SLCO1A2: variants seen among roughly 807,000 people sequenced by gnomAD.
SLCO1A2 encodes the protein OATP-1.
A neutral mutation model predicts 69.0 loss-of-function variants in SLCO1A2; 67 were observed. The ratio of observed to expected loss-of-function variants is 0.97; its 90% confidence interval spans 0.80 to 1.19. The LOEUF is 1.19. Among genes scored for constraint, SLCO1A2 ranks in the 50% most tolerant of loss-of-function variants. SLCO1A2 has a pLI of 0.00. For synonymous variants in SLCO1A2, 260 were observed against 265.9 expected (o/e 0.98, Z 0.22); for missense variants, 787 against 793.7 (o/e 0.99, Z 0.10).
At chr12:21,331,551 A>G (rs1259435933) in intron 2 of SLCO1A2, among the ~76,000 whole-genome samples, 1 of 152,064 alleles carries the variant, frequency 6.6e-6, no homozygotes, top group Non-Finnish European at 1.5e-5. Flanking sequence ...TGAGCACTCT[A>G]ATGCTAAGGA....
intron 4 of SLCO1A2, among the ~76,000 whole-genome samples, chr12:21,307,193 C>A (rs1949523144): frequency 6.6e-6 from 1 of 152,290 alleles, no homozygotes; most frequent in South Asian, 2.1e-4. Context: ...TCTTTTTATA[C>A]TTAGCTTTCA....
chr12:21,285,796 C>A lies in SLCO1A2; in HGVS notation c.1610+6368G>T, dbSNP rs1406853796. Among the ~76,000 whole-genome samples the A allele has an allele frequency of 2.0e-5, 3 of 151,930 alleles. 1 individual carries two copies. The East Asian group carries it at 5.8e-4, about 29-fold the overall frequency. ...CAATAGATGCAGAAAAAGCCTTTGA[C>A]AAAATGCACCAATCCTTCATGCTAA... On this transcript the variant is annotated intron_variant, in intron 12 of 14. Coordinates refer to ENST00000683939, the MANE Select transcript of SLCO1A2 (RefSeq NM_001386879.1).
chr12:21,312,065 A>AGAGGAAGAAGAAGAGGAGGAG (rs1950280523), intron 4 of SLCO1A2, among the ~76,000 whole-genome samples: 2 of 132,094 alleles, frequency 1.5e-5, no homozygotes, highest in Non-Finnish European at 3.0e-5. Flanking sequence ...GAGAAGAAGA[A>AGAGGAAGAAGAAGAGGAGGAG]GAGGAAGAAG....
intron 14 of SLCO1A2, 156 bp downstream of exon 14, chr12:21,274,313 G>A (rs1247942680): frequency 1.9e-6 from 1 of 528,132 alleles, no homozygotes; most frequent in African/African-American, 1.9e-5. Context: ...ATTCTAGTAT[G>A]CAAATAAGGA....
At chr12:21,321,283 T>C (rs757297490) in intron 2 of SLCO1A2, among the ~76,000 whole-genome samples, 2 of 152,218 alleles carry the variant, frequency 1.3e-5, no homozygotes, top group South Asian at 2.1e-4. Flanking sequence ...CCTTTTGCTA[T>C]GCATGCTGTC....
chr12:21,406,926 G>T (rs1941831819), intron 1 of SLCO1A2, among the ~76,000 whole-genome samples: 1 of 152,156 alleles, frequency 6.6e-6, no homozygotes, highest in Non-Finnish European at 1.5e-5. Context: ...ACATATGGTA[G>T]TTTATATATC....
chr12:21,391,715 C>A (rs1470233515), intron 1 of SLCO1A2, among the ~76,000 whole-genome samples: 1 of 151,314 alleles, frequency 6.6e-6, no homozygotes, highest in Non-Finnish European at 1.5e-5. Context: ...AAACAGGCTG[C>A]ACTACTTTCC....
At chr12:21,398,930 C>G (rs540867070), upstream of SLCO1A2, among the ~76,000 whole-genome samples, 71 of 150,786 alleles carry the variant, frequency 4.7e-4, no homozygotes, top group South Asian at 4.7e-3. Context: ...ACTGAATGGA[C>G]AAAAACTGGA....
At chr12:21,314,005 A>G (rs999875921) in intron 4 of SLCO1A2, among the ~76,000 whole-genome samples, 4 of 151,528 alleles carry the variant, frequency 2.6e-5, no homozygotes, top group Non-Finnish European at 4.4e-5. Context: ...CAGAAAAAAA[A>G]GAAAGAAATT....
chr12:21,287,394 C>T, intron 12 of SLCO1A2, among the ~76,000 whole-genome samples: 1 of 83,086 alleles, frequency 1.2e-5, no homozygotes, highest in Admixed American at 1.2e-4. Context: ...GAAATAGGAA[C>T]ACTTTTACAC....
At chr12:21,303,762 A>T (rs1462321153) in intron 6 of SLCO1A2, among the ~76,000 whole-genome samples, 1 of 152,198 alleles carries the variant, frequency 6.6e-6, no homozygotes, top group Non-Finnish European at 1.5e-5. Flanking sequence ...AACATAAACA[A>T]AAAGATGAAG....
At chr12:21,334,443 C>T (rs555545429) in intron 2 of SLCO1A2, 145 bp downstream of exon 2, 1 of 600,758 alleles carries the variant, frequency 1.7e-6, no homozygotes, top group African/African-American at 1.9e-5. Context: ...AAACCAACTT[C>T]TTTAAAGCAA....
rs1942250501 is a variant in SLCO1A2, at chr12:21,267,929, T to C, written c.*1619A>G. 6.6e-6 allele frequency: 1 copy of C among 152,100 alleles called. No individual in the cohort carries two copies. The highest frequency in any genetic ancestry group is 1.5e-5 in the Non-Finnish European group (1 of 68,022). 9.4% of individuals were successfully genotyped at this position (152,100 alleles called of 1,614,324 possible). On this transcript the variant is annotated 3_prime_UTR_variant, in exon 15 of 15. Transcript: ENST00000683939. ...AAGTTAAACTCCCCCTTTCCAATGA[T>C]TTTAGTTCCTCTCTCTTGTTTCAAA...
Position 21,342,991 on chromosome 12 carries a change from T to C in SLCO1A2, c.-62-8282A>G, listed in dbSNP as rs529341274. On this transcript the variant is annotated intron_variant, in intron 2 of 15. Coordinates refer to the SLCO1A2 transcript ENST00000307378. ...CTCATACTTACGCTGACATGACCTG[T>C]GCGTCACATCCAGGTGGGTATGTCC... is the stretch of plus-strand genomic sequence containing the variant. Among the ~76,000 whole-genome samples the C allele has an allele frequency of 1.2e-4, 18 of 152,186 alleles. No individual in the cohort carries two copies. In the South Asian group the frequency reaches 3.7e-3, roughly 32 times the overall value.
In SLCO1A2 at chr12:21,363,301, T is replaced by C. The variant is rs573438799; in HGVS notation, c.-63+11098A>G. Among the ~76,000 whole-genome samples, 521 of 152,242 alleles carry C rather than the reference T, an allele frequency of 3.4e-3. 4 individuals carry two copies. Among genetic ancestry groups the C allele is most frequent in the African/African-American group, 0.012 (493 of 41,516 alleles). On this transcript the variant is annotated intron_variant, in intron 2 of 15. Coordinates refer to the SLCO1A2 transcript ENST00000307378. The stretch of plus-strand genomic sequence containing the variant: ...AACCTGCTCCTGAATGACTACTGGG[T>C]ACATAACGAAATGAAGGCAGAAATA...
intron 2 of SLCO1A2, among the ~76,000 whole-genome samples, chr12:21,328,760 G>A (rs11830939): frequency 6.6e-6 from 1 of 151,994 alleles, no homozygotes; most frequent in East Asian, 1.9e-4. Flanking sequence ...AGTTTCCCCT[G>A]AACTAGTCCC....
intron 2 of SLCO1A2, among the ~76,000 whole-genome samples, chr12:21,353,555 G>A (rs1023707978): frequency 6.6e-6 from 1 of 152,068 alleles, no homozygotes; most frequent in Non-Finnish European, 1.5e-5. Context: ...AGATTGCTGT[G>A]ATGCACCTGA....
At chr12:21,365,122 C>T (rs1939267974) in intron 2 of SLCO1A2, among the ~76,000 whole-genome samples, 1 of 152,164 alleles carries the variant, frequency 6.6e-6, no homozygotes, top group South Asian at 2.1e-4. Context: ...AAGCTGGAGG[C>T]ATCACACTAC....
At chr12:21,377,857 A>G (rs1940314910) in intron 1 of SLCO1A2, among the ~76,000 whole-genome samples, 1 of 152,192 alleles carries the variant, frequency 6.6e-6, no homozygotes, top group African/African-American at 2.4e-5. Flanking sequence ...AAATTTCTTC[A>G]TATTTCAGAT....
Sources: gnomAD v4.1 joint callset for allele counts (sites outside exome capture counted in the v4.1 genomes callset) on GRCh38, gnomAD v4.1.1 for gene constraint, MANE v1.5 for transcripts, NCBI Gene and HGNC (gene_info 2026-07-23, HGNC 2026-07-21) for gene names.